The following DNAH9 variants were observed in gnomAD, a reference collection of about 807,000 sequenced individuals.
DNAH9 encodes DNAH9 variant protein.
In DNAH9, 345 loss-of-function variants were observed where a neutral mutation model predicts 471.6. That is an observed-to-expected ratio of 0.73 (90% CI 0.67 to 0.80). The LOEUF (loss-of-function observed/expected upper bound fraction) is 0.80, where lower values mean the gene tolerates loss of function less well. Ranked by LOEUF, DNAH9 falls within the 30% of genes least tolerant of loss-of-function variation. DNAH9 has a pLI of 0.00. For synonymous variants in DNAH9, 2,093 were observed against 2,123.6 expected (o/e 0.99, Z 0.40); for missense variants, 5,407 against 5,609.2 (o/e 0.96, Z 1.15).
In DNAH9 at chr17:11,664,938, T is replaced by G. The variant is rs777716315; in HGVS notation, c.2701T>G (p.Cys901Gly). ...LLNGFFLAIECSLKYLLENTE... is the reference protein window; with the variant it reads ...LLNGFFLAIEGSLKYLLENTE... ...GAATGGATTCTTTCTTGCCATTGAGTGCTCCCTCAAGTATCTTCTGGAAAA... is the reference window on the plus strand; with the variant it reads ...GAATGGATTCTTTCTTGCCATTGAGGGCTCCCTCAAGTATCTTCTGGAAAA... The change falls in exon 15 of 69, where the codon TGC becomes GGC. Residue 901 changes from cysteine (C) to glycine (G), a missense_variant. By Grantham distance (159) the Cys-to-Gly change is radical. Coordinates refer to ENST00000262442, the MANE Select transcript of DNAH9 (RefSeq NM_001372.4). The G allele has an allele frequency of 6.2e-7, 1 of 1,613,522 alleles. No homozygotes were observed. The highest frequency in any genetic ancestry group is 8.5e-7 in the Non-Finnish European group (1 of 1,179,528).
chr17:11,946,679 AAG>A (rs1227551484), intron 67 of DNAH9, among the ~76,000 whole-genome samples: 2 of 148,756 alleles, frequency 1.3e-5, no homozygotes, highest in African/African-American at 2.5e-5. Flanking sequence ...AAAAAAAAAA[AAG>A]AAAAAGAAAA....
intron 17 of DNAH9, among the ~76,000 whole-genome samples, chr17:11,678,303 G>A (rs376117477): frequency 2.6e-5 from 4 of 151,974 alleles, no homozygotes; most frequent in South Asian, 2.1e-4. Flanking sequence ...TGATCTATCC[G>A]CCTCGGCCTC....
chr17:11,950,718 AAC>A (rs541074640), intron 67 of DNAH9, among the ~76,000 whole-genome samples: 166 of 152,210 alleles, frequency 1.1e-3, no homozygotes, highest in Non-Finnish European at 1.9e-3. Flanking sequence ...AACTTACAGA[AAC>A]AGTTTTTATG....
At chr17:11,603,602 A>T (rs142892646) in intron 1 of DNAH9, among the ~76,000 whole-genome samples, 1 of 152,206 alleles carries the variant, frequency 6.6e-6, no homozygotes, top group Non-Finnish European at 1.5e-5. Context: ...TCTCCCCTGC[A>T]TTCATATTTT....
In DNAH9 at chr17:11,854,437, C is replaced by G. The variant is rs187494333; in HGVS notation, c.9933+9C>G. 1 of 1,604,054 alleles carries G rather than the reference C, an allele frequency of 6.2e-7. No homozygotes were observed. Among genetic ancestry groups the G allele is most frequent in the Non-Finnish European group, 8.5e-7 (1 of 1,174,674 alleles). ...TCAAAGCCAAGATCGCTGTGAGTGACCCCAGAGCCCCTCACCCTGCTAGTC... is the reference window on the plus strand; with the variant it reads ...TCAAAGCCAAGATCGCTGTGAGTGAGCCCAGAGCCCCTCACCCTGCTAGTC... On this transcript the variant is annotated intron_variant, in intron 50 of 68. Coordinates refer to ENST00000262442, the MANE Select transcript of DNAH9 (RefSeq NM_001372.4).
Position 11,905,764 on chromosome 17 carries a change from A to G in DNAH9, c.11704A>G (p.Ile3902Val), listed in dbSNP as rs1159157953. ...ESGPATPMFF[I>V]LSPGVDPLKD... ...GGGACCAGCCACTCCTATGTTTTTC[A>G]TCCTGTCTCCAGGGGTGGACCCACT... Residue 3902 changes from isoleucine to valine, a missense_variant, in exon 61 of 69, where the codon ATC becomes GTC. Physicochemically the swap from Ile to Val is conservative, Grantham distance 29. Around this residue, in one of 3 missense-constraint regions of DNAH9, gnomAD observed 4,636 missense variants for 4,900.3 expected, o/e 0.95. Coordinates refer to ENST00000262442, the MANE Select transcript of DNAH9 (RefSeq NM_001372.4). 6.2e-7 allele frequency: 1 copy of G among 1,614,102 alleles called. No individual in the cohort carries two copies. The highest frequency in any genetic ancestry group is 1.7e-5 in the Admixed American group (1 of 60,014).
At position 11,937,444 on chromosome 17, in the gene DNAH9, G is replaced by C. The variant is rs1974751590; in HGVS notation, c.12582G>C (p.Lys4194Asn). ...EIGFLTQTSE[K>N]LFRTVLELQP... ...GCTTCCTGACCCAAACCTCAGAAAA[G>C]CTCTTCCGCACTGTGCTGGAGCTGC... Residue 4194 changes from lysine (K) to asparagine (N), a missense_variant, in exon 66 of 69, where the codon AAG (lysine) becomes AAC (asparagine). Physicochemically the swap from Lys to Asn is moderately conservative, Grantham distance 94 (BLOSUM62 0). Transcript: ENST00000262442. The surrounding 1 kb of genome is among the most constrained non-coding windows in gnomAD (Gnocchi z 4.1). 4 of 1,614,082 alleles carry C rather than the reference G, an allele frequency of 2.5e-6. No homozygotes were observed. In the East Asian group the frequency reaches 6.7e-5, roughly 27 times the overall value.
intron 67 of DNAH9, among the ~76,000 whole-genome samples, chr17:11,956,251 A>G (rs1250666861): frequency 6.6e-6 from 1 of 152,240 alleles, no homozygotes; most frequent in Non-Finnish European, 1.5e-5. Flanking sequence ...CCATGGATGA[A>G]GAGGAGTATT....
chr17:11,609,531 A>G (rs973397835), intron 2 of DNAH9, among the ~76,000 whole-genome samples: 3 of 152,080 alleles, frequency 2.0e-5, no homozygotes, highest in African/African-American at 7.2e-5. Context: ...TTCCACAATC[A>G]CTTGTGCCGT....
At chr17:11,915,171 A>G (rs994552591) in intron 61 of DNAH9, among the ~76,000 whole-genome samples, 3 of 152,228 alleles carry the variant, frequency 2.0e-5, no homozygotes, top group Admixed American at 6.5e-5. Context: ...GCCATTCTGC[A>G]GCCAGAGTCA....
intron 59 of DNAH9, among the ~76,000 whole-genome samples, chr17:11,900,825 A>T (rs1362745946): frequency 6.6e-6 from 1 of 152,156 alleles, no homozygotes; most frequent in African/African-American, 2.4e-5. Flanking sequence ...TTTTCATGTC[A>T]TTGGGGAAAC....
At chr17:11,848,679 A>G (rs1030529944) in intron 49 of DNAH9, among the ~76,000 whole-genome samples, 1 of 152,170 alleles carries the variant, frequency 6.6e-6, no homozygotes, top group Non-Finnish European at 1.5e-5. Flanking sequence ...TAAAATTTTC[A>G]CTTACATAGA....
intron 68 of DNAH9, among the ~76,000 whole-genome samples, chr17:11,964,165 A>C (rs760543682): frequency 2.0e-5 from 3 of 152,240 alleles, no homozygotes; most frequent in Non-Finnish European, 4.4e-5. Context: ...ATGTTTAGAA[A>C]GCCTGAATCT....
At chr17:11,953,399 T>C (rs377340101) in intron 67 of DNAH9, among the ~76,000 whole-genome samples, 6 of 152,324 alleles carry the variant, frequency 3.9e-5, no homozygotes, top group African/African-American at 1.4e-4. Context: ...CTTATCACTC[T>C]CATTCACCTG....
At chr17:11,694,646 C>T (rs2074403934) in intron 22 of DNAH9, among the ~76,000 whole-genome samples, 199 bp downstream of exon 22, 3 of 1,656 alleles carry the variant, frequency 1.8e-3, no homozygotes, top group African/African-American at 2.1e-3. Flanking sequence ...TTCTTGCTTT[C>T]TCGCTTTCTC....
At chr17:11,931,426 T>A (rs937283887) in intron 63 of DNAH9, among the ~76,000 whole-genome samples, 6 of 152,166 alleles carry the variant, frequency 3.9e-5, no homozygotes, top group African/African-American at 1.4e-4. Context: ...TAAAGTAAGA[T>A]GAAGACCATG....
At chr17:11,831,315 T>C (rs763480020) in intron 48 of DNAH9, among the ~76,000 whole-genome samples, 4 of 152,034 alleles carry the variant, frequency 2.6e-5, no homozygotes, top group African/African-American at 4.8e-5. Flanking sequence ...TGTGTGCAGA[T>C]ATCACATGGC....
intron 8 of DNAH9, among the ~76,000 whole-genome samples, chr17:11,634,205 G>A (rs2073119366): frequency 6.6e-6 from 1 of 152,068 alleles, no homozygotes; most frequent in African/African-American, 2.4e-5. Flanking sequence ...GAACTAGTAG[G>A]AAAACCATAA....
chr17:11,758,432 G>A (rs1262277609), intron 35 of DNAH9, among the ~76,000 whole-genome samples: 1 of 152,170 alleles, frequency 6.6e-6, no homozygotes, highest in Non-Finnish European at 1.5e-5. Flanking sequence ...CATCCCTGTA[G>A]TGGAGGCAAG....
Sources: allele counts gnomAD v4.1 joint callset (sites outside exome capture counted in the v4.1 genomes callset), GRCh38; gene constraint gnomAD v4.1.1; regional missense constraint gnomAD v4.1.1; non-coding constraint Gnocchi (gnomAD v3.1); transcripts MANE v1.5; gene names NCBI Gene and HGNC (gene_info 2026-07-23, HGNC 2026-07-21).